UBE3B: variants seen among roughly 807,000 people sequenced by gnomAD.
UBE3B encodes ubiquitin protein ligase E3B, also known as ubiquitin-protein ligase E3B.
Under a neutral mutation model 132.3 loss-of-function variants are expected in UBE3B, and 80 were observed. The observed-to-expected ratio is 0.60, with a 90% confidence interval of 0.50 to 0.73. The LOEUF (loss-of-function observed/expected upper bound fraction) is 0.73, where lower values mean the gene tolerates loss of function less well. Ranked by LOEUF, UBE3B falls within the 30% of genes least tolerant of loss-of-function variation. The pLI, the probability that UBE3B is intolerant of heterozygous loss-of-function variation, is 0.00. For synonymous variants in UBE3B, 487 were observed against 520.4 expected, an observed-to-expected ratio of 0.94 and a Z score of 0.87; for missense variants, 1,196 against 1,362.5, an observed-to-expected ratio of 0.88 and a Z score of 1.92.
chr12:109,498,833 T>C (rs1198467856), intron 11 of UBE3B, among the ~76,000 whole-genome samples: 1 of 152,020 alleles, frequency 6.6e-6, no homozygotes, highest in Admixed American at 6.6e-5. Flanking sequence ...TTTTTTGTTT[T>C]TTTTTTTTTG....
At chr12:109,487,297 C>A (rs565691305) in intron 6 of UBE3B, among the ~76,000 whole-genome samples, 204 of 152,280 alleles carry the variant, frequency 1.3e-3, no homozygotes, top group African/African-American at 4.8e-3. Flanking sequence ...AAAGGATGGA[C>A]AGGGGTGTGA....
At chr12:109,525,206 G>A (rs1236915490) in intron 23 of UBE3B, among the ~76,000 whole-genome samples, 10 of 152,180 alleles carry the variant, frequency 6.6e-5, no homozygotes, top group Admixed American at 5.9e-4. Context: ...TGTAAGCACC[G>A]CTGGGAGCCC....
At chr12:109,480,064 G>A (rs1875103755) in intron 1 of UBE3B, among the ~76,000 whole-genome samples, 1 of 152,156 alleles carries the variant, frequency 6.6e-6, no homozygotes, top group African/African-American at 2.4e-5. Context: ...CAAGGGACAG[G>A]ACTGGTGAAT....
downstream of UBE3B, among the ~76,000 whole-genome samples, chr12:109,537,395 G>A (rs55911244): frequency 0.016 from 2,443 of 152,176 alleles, 83 homozygotes; most frequent in African/African-American, 0.057. Flanking sequence ...CCTGACCCTC[G>A]GCAGCTCTGA....
the UBE3B span, among the ~76,000 whole-genome samples, chr12:109,547,557 GGT>G: frequency 6.6e-6 from 1 of 152,204 alleles, no homozygotes; most frequent in Non-Finnish European, 1.5e-5. This position sits in a 1 kb window ranked among gnomAD's most constrained non-coding sequence, Gnocchi z 4.1. Flanking sequence ...CTGACCCTCT[GGT>G]GTATTCAATT....
chr12:109,534,277 G>A lies in UBE3B; in HGVS notation c.3016-314G>A. 7.4e-7 allele frequency: 1 copy of A among 1,343,774 alleles called. No individual in the cohort carries two copies. The highest frequency in any genetic ancestry group is 1.5e-5 in the African/African-American group (1 of 67,928). 83.2% of individuals were successfully genotyped at this position (1,343,774 alleles called of 1,614,324 possible). On this transcript the variant is annotated intron_variant, in intron 27 of 27. Coordinates refer to ENST00000342494, the MANE Select transcript of UBE3B (RefSeq NM_130466.4). This position sits in a 1 kb window ranked among gnomAD's most constrained non-coding sequence, Gnocchi z 5.2. ...TTCAGAAATGTTTGGGCACCTAACAGTTTTTACAGCATTCTACTTTTTGTC... is the reference window on the plus strand; with the variant it reads ...TTCAGAAATGTTTGGGCACCTAACAATTTTTACAGCATTCTACTTTTTGTC...
At chr12:109,485,006 C>T (rs1346167278) in intron 4 of UBE3B, among the ~76,000 whole-genome samples, 1 of 152,114 alleles carries the variant, frequency 6.6e-6, no homozygotes, top group Non-Finnish European at 1.5e-5. Flanking sequence ...ATCCACCTGC[C>T]TCAGCATCCC....
rs148058352 is a variant in UBE3B at position 109,495,721 on chromosome 12, G to A, written c.714-2097G>A. On this transcript the variant is annotated intron_variant, in intron 9 of 27. Transcript: ENST00000342494. ...TTATGGGGAAACAAAGGGATGGGCC[G>A]AAATAAAGGGATGGGCTCTGGCTAG... Among the ~76,000 whole-genome samples, 393 of 152,326 alleles carry A rather than the reference G, an allele frequency of 2.6e-3. 3 individuals carry two copies. The highest frequency in any genetic ancestry group is 9.1e-3 in the African/African-American group (377 of 41,570).
rs192106134 is a variant in UBE3B at position 109,484,667 on chromosome 12, G to C, written c.282+686G>C. ...AGCCTCCCAGAGTGCTGGGATTACA[G>C]GCGTGAGCCACTGTACCCAGCCTCT... On this transcript the variant is annotated intron_variant, in intron 4 of 27. Coordinates refer to ENST00000342494, the MANE Select transcript of UBE3B (RefSeq NM_130466.4). Among the ~76,000 whole-genome samples, 1,083 of 152,216 alleles carry C rather than the reference G, an allele frequency of 7.1e-3. 6 individuals are homozygous for C. Among genetic ancestry groups the C allele is most frequent in the Non-Finnish European group, 0.011 (722 of 68,000 alleles).
rs190387817 is a variant in UBE3B, at chr12:109,527,028, C to T, written c.2627+612C>T. On this transcript the variant is annotated intron_variant, in intron 24 of 27. Transcript: ENST00000342494. ...GATTCTGAGCCATTCAGCACACTGT[C>T]CTGAACCCAGAGGGCACAGAGGTGG... Among the ~76,000 whole-genome samples the T allele has an allele frequency of 7.2e-5, 11 of 152,130 alleles. No homozygotes were observed. In the East Asian group the frequency reaches 2.1e-3, roughly 29 times the overall value.
chr12:109,493,334 C>G (rs1272257831), intron 9 of UBE3B, among the ~76,000 whole-genome samples: 3 of 152,136 alleles, frequency 2.0e-5, no homozygotes, highest in African/African-American at 7.2e-5. Flanking sequence ...GCTCTGCCTC[C>G]CCCTCCACCT....
chr12:109,505,753 G>T (rs1171746504), intron 14 of UBE3B, among the ~76,000 whole-genome samples: 1 of 152,194 alleles, frequency 6.6e-6, no homozygotes, highest in Non-Finnish European at 1.5e-5. Flanking sequence ...GCCTCCTTTA[G>T]AATTCCTTCA....
the UBE3B span, among the ~76,000 whole-genome samples, chr12:109,543,567 G>T: frequency 6.6e-6 from 1 of 152,212 alleles, no homozygotes; most frequent in Non-Finnish European, 1.5e-5. Flanking sequence ...GGCTGGGCGT[G>T]GTGGCTCACG....
At chr12:109,530,404 AT>A in intron 25 of UBE3B, 142 bp from the exon 26 acceptor site, 1 of 680,796 alleles carries the variant, frequency 1.5e-6, no homozygotes. Context: ...TTATTGAGGC[AT>A]GAACTTCTGG....
chr12:109,503,656 A>T (rs1879286564), intron 14 of UBE3B, among the ~76,000 whole-genome samples: 2 of 152,180 alleles, frequency 1.3e-5, no homozygotes, highest in South Asian at 4.1e-4. Flanking sequence ...CGAAAACCTT[A>T]TCTTTATTGG....
At chr12:109,537,368 C>T (rs997455824), downstream of UBE3B, among the ~76,000 whole-genome samples, 1 of 152,184 alleles carries the variant, frequency 6.6e-6, no homozygotes, top group African/African-American at 2.4e-5. Flanking sequence ...GTGTTTGCCC[C>T]GCCTTGGTGC....
At chr12:109,492,407 G>T (rs1877589036) in intron 9 of UBE3B, 1 of 146,190 alleles carries the variant, frequency 6.8e-6, no homozygotes, top group South Asian at 2.1e-4. Flanking sequence ...CTGACCTAGA[G>T]CAGGTCTGTC....
At chr12:109,506,519 T>C (rs1879704713) in intron 14 of UBE3B, among the ~76,000 whole-genome samples, 1 of 152,200 alleles carries the variant, frequency 6.6e-6, no homozygotes, top group Non-Finnish European at 1.5e-5. Context: ...CGGCTGATTT[T>C]GTATTTTTTA....
At chr12:109,500,437 A>C (rs1172031982) in intron 12 of UBE3B, among the ~76,000 whole-genome samples, 1 of 152,186 alleles carries the variant, frequency 6.6e-6, no homozygotes, top group African/African-American at 2.4e-5. Flanking sequence ...GGTCCCTGGC[A>C]GTTACCCTTG....
Sources: gnomAD v4.1 joint callset for allele counts (sites outside exome capture counted in the v4.1 genomes callset) on GRCh38, gnomAD v4.1.1 for gene constraint, Gnocchi (gnomAD v3.1) non-coding constraint, MANE v1.5 for transcripts, NCBI Gene and HGNC (gene_info 2026-07-23, HGNC 2026-07-21) for gene names.